CPT2: variants seen among roughly 807,000 people sequenced by gnomAD.
CPT2 encodes carnitine O-palmitoyltransferase 2, mitochondrial.
Under a neutral mutation model 48.6 loss-of-function variants are expected in CPT2, and 37 were observed. The observed-to-expected ratio is 0.76, with a 90% confidence interval of 0.59 to 1.00. The LOEUF (loss-of-function observed/expected upper bound fraction) is 1.00. CPT2 is among the 50% of genes least tolerant of loss of function. CPT2 has a pLI of 0.00. For missense variants in CPT2, 772 were observed against 825.6 expected (o/e 0.94, Z 0.80); for synonymous variants, 319 against 326.9 (o/e 0.98, Z 0.26).
intron 4 of CPT2, chr1:53,211,528 TG>T: frequency 1.7e-6 from 1 of 588,910 alleles, no homozygotes; most frequent in Non-Finnish European, 3.0e-6. Flanking sequence ...TAAGCAGGGG[TG>T]GGGAAATGCA....
At chr1:53,201,259 A>C in intron 2 of CPT2, 1 of 238,740 alleles carries the variant, frequency 4.2e-6, no homozygotes, top group Non-Finnish European at 8.4e-6. Flanking sequence ...GTTGTGGCAG[A>C]TGTAATTAGT....
Position 53,210,789 on chromosome 1 carries a change from A to G in CPT2, c.1115A>G (p.His372Arg), listed in dbSNP as rs1212235186. ...GGCTCTACTGCCGTCCACTTTGAGCACTCTTGGGGTGATGGTGTGGCAGTG... is the reference window on the plus strand; with the variant it reads ...GGCTCTACTGCCGTCCACTTTGAGCGCTCTTGGGGTGATGGTGTGGCAGTG... Reference protein sequence around the residue: ...KDGSTAVHFEHSWGDGVAVLR... With the variant: ...KDGSTAVHFERSWGDGVAVLR... The change falls in exon 4 of 5, where the codon CAC becomes CGC. Residue 372 changes from histidine (H) to arginine (R), a missense_variant. Transcript: ENST00000371486. 5 of 1,613,888 alleles carry G rather than the reference A, an allele frequency of 3.1e-6. No individual in the cohort carries two copies. In the South Asian group the frequency reaches 3.3e-5, roughly 11 times the overall value.
chr1:53,200,784 A>G lies in CPT2; in HGVS notation c.218A>G (p.Asn73Ser), dbSNP rs146159244. 2.7e-5 allele frequency: 44 copies of G among 1,613,826 alleles called. No individual in the cohort carries two copies. The African/African-American group carries it at 4.9e-4, about 18-fold the overall frequency. Reference sequence around the variant, plus strand: ...CTCAGTGCACAGAAGCCTCTCTTGAATGATGGCCAGTTCAGGTAAACACTG... The same window carrying G: ...CTCAGTGCACAGAAGCCTCTCTTGAGTGATGGCCAGTTCAGGTAAACACTG... The part of the protein sequence containing the change: ...RYLSAQKPLL[N>S]DGQFRKTEQF... Residue 73 changes from asparagine (N) to serine (S), a missense_variant, in exon 2 of 5, where the codon AAT (asparagine) becomes AGT (serine). Asn to Ser is a conservative substitution (Grantham distance 46). Transcript: ENST00000371486.
rs72673121 is a variant in CPT2 at position 53,197,151 on chromosome 1, C to A, written c.152+56C>A. On this transcript the variant is annotated intron_variant, in intron 1 of 4. Coordinates refer to ENST00000371486, the MANE Select transcript of CPT2 (RefSeq NM_000098.3). Reference sequence around the variant, plus strand: ...GCCGCCGTCCCAGGATCGGCCCCAACCTGACTGCAGTCACTCATGACTCCT... The same window carrying A: ...GCCGCCGTCCCAGGATCGGCCCCAAACTGACTGCAGTCACTCATGACTCCT... 0.19 allele frequency: 297,187 copies of A among 1,532,692 alleles called. 31,682 individuals are homozygous for A. The highest frequency in any genetic ancestry group is 0.22 in the Non-Finnish European group (252,130 of 1,143,802). 94.9% of individuals were successfully genotyped at this position (1,532,692 alleles called of 1,614,324 possible). A position where few individuals can be genotyped will look rare whatever the true frequency, so the allele number is the denominator to read the frequency against.
chr1:53,198,787 A>G (rs1645338759), intron 1 of CPT2, among the ~76,000 whole-genome samples: 2 of 152,250 alleles, frequency 1.3e-5, no homozygotes, highest in African/African-American at 4.8e-5. Flanking sequence ...CAGTTCAAAT[A>G]GTACCACTAG....
At position 53,210,717 on chromosome 1, in the gene CPT2, C is replaced by A; in HGVS notation, c.1043C>A (p.Thr348Lys). The A allele has an allele frequency of 6.2e-7, 1 of 1,614,200 alleles. No homozygotes were observed. The part of the protein sequence containing the change: ...LSHNMLHGDG[T>K]NRWFDKSFNL... ...CACAATATGCTGCATGGGGATGGCA[C>A]AAACCGCTGGTTTGATAAATCCTTT... The change falls in exon 4 of 5, where the codon ACA becomes AAA. Residue 348 changes from threonine (T) to lysine (K), a missense_variant. By Grantham distance (78) the Thr-to-Lys change is moderately conservative. Coordinates refer to ENST00000371486, the MANE Select transcript of CPT2 (RefSeq NM_000098.3).
chr1:53,206,703 C>T (rs1397452482), intron 3 of CPT2, among the ~76,000 whole-genome samples: 2 of 152,228 alleles, frequency 1.3e-5, no homozygotes. Flanking sequence ...AGCATTTACC[C>T]AATGCTTGTA....
intron 2 of CPT2, 125 bp downstream of exon 2, chr1:53,200,924 T>G: frequency 1.3e-6 from 1 of 772,702 alleles, no homozygotes; most frequent in Middle Eastern, 3.1e-4. Context: ...CAGAACCTAG[T>G]TGTACATCTG....
intron 3 of CPT2, among the ~76,000 whole-genome samples, chr1:53,204,526 C>T (rs773675682): frequency 1.3e-5 from 2 of 152,034 alleles, no homozygotes; most frequent in Non-Finnish European, 2.9e-5. Context: ...TCTTCAGATG[C>T]TTCATAATCC....
chr1:53,205,373 A>G (rs1645380907), intron 3 of CPT2, among the ~76,000 whole-genome samples: 1 of 152,228 alleles, frequency 6.6e-6, no homozygotes, highest in Non-Finnish European at 1.5e-5. Flanking sequence ...GAAACTTCTA[A>G]GCAACAAAGC....
intron 3 of CPT2, chr1:53,203,719 C>T (rs1645368068): frequency 6.6e-6 from 1 of 151,836 alleles, no homozygotes; most frequent in Admixed American, 6.6e-5. Flanking sequence ...TCATCTCTCT[C>T]TCATGTTGGG....
chr1:53,206,865 T>C (rs1233737821), intron 3 of CPT2, among the ~76,000 whole-genome samples: 1 of 152,162 alleles, frequency 6.6e-6, no homozygotes, highest in African/African-American at 2.4e-5. Flanking sequence ...TGGGAAGACA[T>C]GGTTGTGTTT....
In CPT2 at chr1:53,209,691, G is replaced by A. The variant is rs1173943897; in HGVS notation, c.341-324G>A. 12 of 337,048 alleles carry A rather than the reference G, an allele frequency of 3.6e-5. No individual in the cohort carries two copies. The East Asian group carries it at 8.1e-4, about 23-fold the overall frequency. The allele number at this position is 337,048 out of a possible 1,614,324, so 20.9% of individuals were successfully genotyped here. On this transcript the variant is annotated intron_variant, in intron 3 of 4. Coordinates refer to ENST00000371486, the MANE Select transcript of CPT2 (RefSeq NM_000098.3). ...CTCAGGAGGCTGAGGCAGGAGAATC[G>A]CTTCAATCCGGGAGGCGGAGGTTGC...
rs74315293 is a variant in CPT2, at chr1:53,213,509, C to G, written c.1891C>G (p.Arg631Gly). 1 of 1,614,234 alleles carries G rather than the reference C, an allele frequency of 6.2e-7. No homozygotes were observed. The highest frequency in any genetic ancestry group is 1.7e-5 in the Admixed American group (1 of 60,028). The change falls in exon 5 of 5, where the codon CGC becomes GGC. Residue 631 changes from arginine to glycine, a missense_variant. Physicochemically the swap from Arg to Gly is moderately radical, Grantham distance 125. Transcript: ENST00000371486. Reference protein sequence around the residue: ...IGCNVSSYPGRNAREFLQCVE... With the variant: ...IGCNVSSYPGGNAREFLQCVE... Reference sequence around the variant, plus strand: ...CTGCAATGTCTCTTCCTACCCAGGCCGCAATGCCCGGGAGTTTCTCCAATG... The same window carrying G: ...CTGCAATGTCTCTTCCTACCCAGGCGGCAATGCCCGGGAGTTTCTCCAATG...
Position 53,212,237 on chromosome 1 carries a change from A to G in CPT2, c.1645+918A>G, listed in dbSNP as rs1346798904. On this transcript the variant is annotated intron_variant, in intron 4 of 4. Coordinates refer to ENST00000371486, the MANE Select transcript of CPT2 (RefSeq NM_000098.3). ...ATGCCACCATGCCCAGCTAATTTTT[A>G]TATTTTCAATAGAGACGGGGTTTCA... Among the ~76,000 whole-genome samples the G allele has an allele frequency of 2.0e-5, 3 of 151,722 alleles. No individual in the cohort carries two copies. The South Asian group carries it at 6.2e-4, about 31-fold the overall frequency.
At position 53,198,941 on chromosome 1, in the gene CPT2, T is replaced by C. The variant is rs371366190; in HGVS notation, c.153-1778T>C. On this transcript the variant is annotated intron_variant, in intron 1 of 4. Coordinates refer to ENST00000371486, the MANE Select transcript of CPT2 (RefSeq NM_000098.3). ...ATGTATAATCTTTCACACTCACTCA[T>C]TGATGTCACACTTGGTGAAAAGCCC... 7.2e-4 allele frequency among the ~76,000 whole-genome samples: 109 copies of C among 152,364 alleles called. 1 individual carries two copies. The South Asian group carries it at 0.02, about 28-fold the overall frequency.
At chr1:53,202,055 C>T (rs1645357065) in intron 2 of CPT2, 3 of 424,622 alleles carry the variant, frequency 7.1e-6, no homozygotes, top group Non-Finnish European at 1.3e-5. Flanking sequence ...AGCTTGTGTC[C>T]TTTTCTCCAT....
In CPT2 at chr1:53,213,627, C is replaced by T. The variant is rs1329551058; in HGVS notation, c.*32C>T. On this transcript the variant is annotated 3_prime_UTR_variant, in exon 5 of 5. Transcript: ENST00000371486. ...GGCAGATGAAAAGCTACCATCACTT[C>T]CTCATCATGAAAACTGGGAGGCCGG... 1 of 1,589,832 alleles carries T rather than the reference C, an allele frequency of 6.3e-7. No homozygotes were observed. The highest frequency in any genetic ancestry group is 1.3e-5 in the African/African-American group (1 of 74,518).
chr1:53,196,893 C>T lies in CPT2; in HGVS notation c.-51C>T. ...CGGCGGCGGCGGCCTTGTGTTTAGA[C>T]TCCAGAACTCCCCACTTGCCGCGTT... On this transcript the variant is annotated 5_prime_UTR_variant, in exon 1 of 5. Transcript: ENST00000371486. The T allele has an allele frequency of 6.5e-7, 1 of 1,529,362 alleles. No homozygotes were observed. The highest frequency in any genetic ancestry group is 8.7e-7 in the Non-Finnish European group (1 of 1,145,090). 94.7% of individuals were successfully genotyped at this position (1,529,362 alleles called of 1,614,324 possible).
Sources: gnomAD v4.1 joint callset for allele counts (sites outside exome capture counted in the v4.1 genomes callset) on GRCh38, gnomAD v4.1.1 for gene constraint, MANE v1.5 for transcripts, NCBI Gene and HGNC (gene_info 2026-07-23, HGNC 2026-07-21) for gene names.